The following RERE variants were observed in gnomAD, a reference collection of about 807,000 sequenced individuals.
RERE encodes arginine-glutamic acid dipeptide repeats.
RERE carries 40 observed loss-of-function variants against 146.1 expected under a neutral mutation model. The ratio of observed to expected loss-of-function variants is 0.27; its 90% confidence interval spans 0.21 to 0.36. The LOEUF (loss-of-function observed/expected upper bound fraction) is 0.36. Among genes scored for constraint, RERE ranks in the 10% least tolerant of loss-of-function variants. The pLI, the probability that RERE is intolerant of heterozygous loss-of-function variation, is 1.00. For synonymous variants in RERE, 1,003 were observed against 866.0 expected (o/e 1.16, Z -2.78); for missense variants, 1,933 against 2,138.7 (o/e 0.90, Z 1.90).
At chr1:8,404,184 C>T (rs568144318) in intron 12 of RERE, among the ~76,000 whole-genome samples, 23 of 152,232 alleles carry the variant, frequency 1.5e-4, no homozygotes, top group Non-Finnish European at 2.8e-4. Context: ...AATCCCAGCA[C>T]TTTCAGAGGC....
intron 2 of RERE, among the ~76,000 whole-genome samples, chr1:8,627,297 C>A (rs1408121748): frequency 6.6e-6 from 1 of 152,038 alleles, no homozygotes; most frequent in Non-Finnish European, 1.5e-5. Context: ...ATTCTACCTT[C>A]CCCGTACTCA....
At chr1:8,754,444 C>T (rs1232431866) in intron 1 of RERE, among the ~76,000 whole-genome samples, 1 of 152,178 alleles carries the variant, frequency 6.6e-6, no homozygotes, top group Non-Finnish European at 1.5e-5. Flanking sequence ...TAAAAAGCAA[C>T]ATTATGATAA....
At chr1:8,500,872 G>A (rs35570980) in intron 8 of RERE, among the ~76,000 whole-genome samples, 54,263 of 143,384 alleles carry the variant, frequency 0.38, 7,502 homozygotes, top group Non-Finnish European at 0.47. Context: ...ACCCTGTCTG[G>A]GATGTGAGGA....
chr1:8,700,333 G>A (rs1307891715), intron 1 of RERE, among the ~76,000 whole-genome samples: 3 of 151,876 alleles, frequency 2.0e-5, no homozygotes, highest in African/African-American at 2.4e-5. Context: ...AATAAATGCA[G>A]TAGATAATAA....
intron 1 of RERE, among the ~76,000 whole-genome samples, chr1:8,736,874 A>C (rs904007671): frequency 6.0e-5 from 9 of 150,870 alleles, no homozygotes; most frequent in South Asian, 4.2e-4. Flanking sequence ...AAAAAAAAAA[A>C]ACTAAAACCT....
chr1:8,421,170 TAGCAG>T (rs1643904550), intron 12 of RERE, among the ~76,000 whole-genome samples: 1 of 152,220 alleles, frequency 6.6e-6, no homozygotes, highest in African/African-American at 2.4e-5. Flanking sequence ...TTGCAACTTT[TAGCAG>T]AGCAGAGACA....
chr1:8,666,224 T>C (rs1480652288), intron 1 of RERE, among the ~76,000 whole-genome samples: 2 of 152,210 alleles, frequency 1.3e-5, no homozygotes, highest in African/African-American at 2.4e-5. Context: ...CAAGAGTTGT[T>C]AGTGTCGGCC....
chr1:8,808,568 A>G (rs1007517692), intron 1 of RERE, among the ~76,000 whole-genome samples: 1 of 152,178 alleles, frequency 6.6e-6, no homozygotes. Flanking sequence ...TATTATCTCA[A>G]TTTTACAGAT....
At chr1:8,743,664 T>C (rs544431986) in intron 1 of RERE, among the ~76,000 whole-genome samples, 1 of 152,236 alleles carries the variant, frequency 6.6e-6, no homozygotes, top group South Asian at 2.1e-4. Flanking sequence ...GAAAATCTTG[T>C]CAATAAAATG....
intron 1 of RERE, among the ~76,000 whole-genome samples, chr1:8,790,335 C>A (rs1641342409): frequency 6.6e-6 from 1 of 152,160 alleles, no homozygotes; most frequent in South Asian, 2.1e-4. Context: ...CACCATATTA[C>A]AAGTCTCCCC....
At chr1:8,444,049 G>C (rs1644287089) in intron 11 of RERE, among the ~76,000 whole-genome samples, 1 of 152,236 alleles carries the variant, frequency 6.6e-6, no homozygotes, top group African/African-American at 2.4e-5. Context: ...CTGTGGGAAG[G>C]GGCCATTGTC....
chr1:8,701,254 T>C lies in RERE; in HGVS notation c.-144-44813A>G, dbSNP rs7543464. 2.2e-3 allele frequency among the ~76,000 whole-genome samples: 327 copies of C among 151,394 alleles called. 1 individual carries two copies. The highest frequency in any genetic ancestry group is 7.5e-3 in the African/African-American group (309 of 41,212). On this transcript the variant is annotated intron_variant, in intron 1 of 22. Coordinates refer to ENST00000400908, the MANE Select transcript of RERE (RefSeq NM_001042681.2). ...ACAATGTAAAAAATGAATTGCCATA[T>C]AGCTGAAGGCACCGGGATGGGGGTG...
rs116833535 is a variant in RERE at position 8,400,575 on chromosome 1, A to C, written c.1284+22152T>G. 8.3e-3 allele frequency among the ~76,000 whole-genome samples: 1,262 copies of C among 152,170 alleles called. 14 individuals are homozygous for C. The highest frequency in any genetic ancestry group is 0.029 in the African/African-American group (1,206 of 41,500). On this transcript the variant is annotated intron_variant, in intron 12 of 22. Transcript: ENST00000400908. ...CCATATATTTATATACTTTTCTATA[A>C]ACACACATATATAGGGTCTTTGTCC... is the stretch of plus-strand genomic sequence containing the variant.
chr1:8,807,802 CAA>C (rs551398018), intron 1 of RERE, among the ~76,000 whole-genome samples: 262 of 152,226 alleles, frequency 1.7e-3, no homozygotes, highest in African/African-American at 6.1e-3. Flanking sequence ...AGCCATCAAC[CAA>C]AGAGTAGTAA....
intron 1 of RERE, chr1:8,751,063 A>G: frequency 1.8e-6 from 1 of 563,062 alleles, no homozygotes; most frequent in Non-Finnish European, 3.2e-6. Context: ...CCTTCAAATT[A>G]TCTTCTCCAT....
At chr1:8,441,719 T>C (rs1385301462) in intron 11 of RERE, among the ~76,000 whole-genome samples, 1 of 152,212 alleles carries the variant, frequency 6.6e-6, no homozygotes, top group Non-Finnish European at 1.5e-5. Context: ...CCCATCTACT[T>C]ACTCACATAA....
At chr1:8,386,596 C>G (rs567272377) in intron 12 of RERE, among the ~76,000 whole-genome samples, 2 of 76,498 alleles carry the variant, frequency 2.6e-5, no homozygotes, top group Non-Finnish European at 6.5e-5. Flanking sequence ...AAGAAAAGGA[C>G]AATCCATTGA....
chr1:8,749,800 A>T (rs947747770), intron 1 of RERE, among the ~76,000 whole-genome samples: 3 of 152,208 alleles, frequency 2.0e-5, no homozygotes, highest in Non-Finnish European at 4.4e-5. Context: ...TTTAAGGAAG[A>T]GAACGAGGTG....
At chr1:8,551,205 T>G (rs1194664742) in intron 6 of RERE, among the ~76,000 whole-genome samples, 1 of 152,208 alleles carries the variant, frequency 6.6e-6, no homozygotes, top group Non-Finnish European at 1.5e-5. Context: ...GCAAGACACT[T>G]ACGATCTCCT....
Sources: gnomAD v4.1 joint callset for allele counts (sites outside exome capture counted in the v4.1 genomes callset) on GRCh38, gnomAD v4.1.1 for gene constraint, MANE v1.5 for transcripts, NCBI Gene and HGNC (gene_info 2026-07-23, HGNC 2026-07-21) for gene names.